CSMD1: variants seen among roughly 807,000 people sequenced by gnomAD.
CSMD1 encodes CUB and sushi domain-containing protein 1.
In CSMD1, 213 loss-of-function variants were observed where a neutral mutation model predicts 417.5. The ratio of observed to expected loss-of-function variants is 0.51; its 90% CI spans 0.46 to 0.57. CSMD1 has a LOEUF of 0.57. Among genes scored for constraint, CSMD1 ranks in the 20% least tolerant of loss-of-function variants. CSMD1 has a pLI of 0.00. For missense variants in CSMD1, 6,923 were observed against 4,529.7 expected (o/e 1.53, Z -15.17); for synonymous variants, 2,862 against 1,736.8 (o/e 1.65, Z -16.11).
chr8:4,033,285 A>G (rs375115303), intron 3 of CSMD1, among the ~76,000 whole-genome samples: 33 of 151,156 alleles, frequency 2.2e-4, no homozygotes, highest in Admixed American at 5.3e-4. Flanking sequence ...CTAAAAATAC[A>G]AAAAAAATTA....
chr8:3,259,070 G>C (rs1201083772), intron 26 of CSMD1, among the ~76,000 whole-genome samples: 3 of 152,168 alleles, frequency 2.0e-5, no homozygotes, highest in African/African-American at 4.8e-5. Context: ...AAGGGCACCT[G>C]CTACTTATAT....
At chr8:3,307,955 C>G (rs1328489263) in intron 24 of CSMD1, 134 bp from the exon 25 acceptor site, 16 of 988,414 alleles carry the variant, frequency 1.6e-5, no homozygotes, top group Non-Finnish European at 1.9e-5. Flanking sequence ...ATCTCTCTCT[C>G]CTGACCGTTT....
At chr8:4,249,355 G>C (rs1038232325) in intron 3 of CSMD1, among the ~76,000 whole-genome samples, 1 of 152,314 alleles carries the variant, frequency 6.6e-6, no homozygotes, top group South Asian at 2.1e-4. Flanking sequence ...GCGGTGTTCA[G>C]TCTACGGATG....
rs1164015807 is a variant in CSMD1 at position 3,367,219 on chromosome 8, A to G, written c.2928T>C (p.His976=). ...KGVQMIFHTF[H]LESSHDYLLI... is the part of the protein sequence containing the mutation. ...GTAAATAGTCGTGGGAACTCTCAAG[A>G]TGAAAGGTGTGAAAGATCATTTGAA... is the stretch of plus-strand genomic sequence containing the variant. Residue 976 remains histidine, a synonymous_variant, in exon 20 of 70, where the codon CAT becomes CAC. Transcript: ENST00000635120. 3.1e-6 allele frequency: 5 copies of G among 1,613,020 alleles called. No homozygotes were observed. In the South Asian group the frequency reaches 4.4e-5, roughly 14 times the overall value.
intron 3 of CSMD1, among the ~76,000 whole-genome samples, chr8:4,140,021 A>G (rs1803685687): frequency 6.6e-6 from 1 of 150,906 alleles, no homozygotes; most frequent in South Asian, 2.1e-4. Context: ...CCTGACCTCA[A>G]TTTGCCTGGA....
intron 3 of CSMD1, among the ~76,000 whole-genome samples, chr8:4,198,659 C>G (rs886372634): frequency 4.6e-5 from 7 of 152,096 alleles, no homozygotes; most frequent in African/African-American, 1.2e-4. Flanking sequence ...CATAGCTTGC[C>G]TTTTCCAGAT....
intron 38 of CSMD1, 145 bp from the exon 39 acceptor site, chr8:3,158,111 T>C (rs780025364): frequency 1.9e-5 from 13 of 667,016 alleles, no homozygotes; most frequent in East Asian, 2.9e-5. Context: ...CTGTTTTTAG[T>C]AATGATTATT....
intron 6 of CSMD1, among the ~76,000 whole-genome samples, chr8:3,718,707 G>A (rs1021953300): frequency 4.6e-5 from 7 of 152,152 alleles, no homozygotes; most frequent in Admixed American, 4.6e-4. Flanking sequence ...AATGTAAAGG[G>A]TAATTAGCAT....
intron 1 of CSMD1, among the ~76,000 whole-genome samples, chr8:4,675,696 A>G (rs901135974): frequency 6.6e-6 from 1 of 152,136 alleles, no homozygotes; most frequent in Non-Finnish European, 1.5e-5. Context: ...TCCAAGAGTT[A>G]TATTTGGTAT....
chr8:4,910,655 A>G (rs946500619), intron 1 of CSMD1, among the ~76,000 whole-genome samples: 1 of 152,208 alleles, frequency 6.6e-6, no homozygotes, highest in Non-Finnish European at 1.5e-5. Flanking sequence ...AGATTTTAAC[A>G]TATTAATTTT....
intron 7 of CSMD1, among the ~76,000 whole-genome samples, chr8:3,618,433 G>A (rs756305085): frequency 3.9e-5 from 6 of 151,952 alleles, no homozygotes; most frequent in Non-Finnish European, 7.4e-5. Context: ...AACGGGTTAA[G>A]ATATTTTTTA....
At chr8:3,541,614 T>C (rs984118988) in intron 10 of CSMD1, among the ~76,000 whole-genome samples, 8 of 150,066 alleles carry the variant, frequency 5.3e-5, no homozygotes, top group African/African-American at 9.7e-5. Flanking sequence ...AAATGGGTCA[T>C]GATTTTTACA....
At chr8:4,788,333 G>C (rs1221599285) in intron 1 of CSMD1, 2 of 1,548,986 alleles carry the variant, frequency 1.3e-6, no homozygotes, top group South Asian at 1.2e-5. Flanking sequence ...TGATGTCTGG[G>C]AACACTGCAT....
At chr8:3,148,814 T>C (rs540516892) in intron 40 of CSMD1, among the ~76,000 whole-genome samples, 1 of 152,282 alleles carries the variant, frequency 6.6e-6, no homozygotes, top group Admixed American at 6.5e-5. Flanking sequence ...TCCTCCCAAT[T>C]TCTCACTTCG....
At chr8:3,235,409 A>G (rs1472321400) in intron 26 of CSMD1, among the ~76,000 whole-genome samples, 3 of 152,220 alleles carry the variant, frequency 2.0e-5, no homozygotes, top group Non-Finnish European at 4.4e-5. Flanking sequence ...TTTAACGGAT[A>G]TATCAGCCTT....
At chr8:4,806,685 T>G (rs535001605) in intron 1 of CSMD1, among the ~76,000 whole-genome samples, 1 of 152,356 alleles carries the variant, frequency 6.6e-6, no homozygotes, top group South Asian at 2.1e-4. Flanking sequence ...ATGGTCGCAG[T>G]GCCTGTGAGT....
At chr8:4,248,229 T>C (rs1345908594) in intron 3 of CSMD1, among the ~76,000 whole-genome samples, 1 of 152,158 alleles carries the variant, frequency 6.6e-6, no homozygotes. Context: ...CAGCAGACAG[T>C]TGGCAGGACT....
At chr8:4,747,207 T>C (rs1811016314) in intron 1 of CSMD1, among the ~76,000 whole-genome samples, 1 of 152,198 alleles carries the variant, frequency 6.6e-6, no homozygotes, top group Non-Finnish European at 1.5e-5. Context: ...CTTGGAGAAT[T>C]TCTACCTTCA....
chr8:3,492,820 C>T (rs1796185144), intron 11 of CSMD1, among the ~76,000 whole-genome samples: 1 of 152,020 alleles, frequency 6.6e-6, no homozygotes, highest in African/African-American at 2.4e-5. Context: ...TACACTGAGT[C>T]ACCCCCAACA....
Sources: gnomAD v4.1 joint callset for allele counts (sites outside exome capture counted in the v4.1 genomes callset) on GRCh38, gnomAD v4.1.1 for gene constraint, MANE v1.5 for transcripts, NCBI Gene and HGNC (gene_info 2026-07-23, HGNC 2026-07-21) for gene names.